Variants in LIMCH1 observed in about 807,000 individuals in gnomAD.
The protein encoded by LIMCH1 is LIM and calponin homology domains 1.
LIMCH1 carries 113 observed loss-of-function variants against 176.5 expected under a neutral mutation model. The ratio of observed to expected loss-of-function variants is 0.64; its 90% CI spans 0.55 to 0.75. The LOEUF (loss-of-function observed/expected upper bound fraction) is 0.75, where lower values mean the gene tolerates loss of function less well. Among genes scored for constraint, LIMCH1 ranks in the 30% least tolerant of loss-of-function variants. The probability of loss-of-function intolerance (pLI) is 0.00; values close to 1 mark genes in which losing one functional copy is unlikely to be tolerated. For synonymous variants in LIMCH1, 619 were observed against 645.9 expected (o/e 0.96, Z 0.63); for missense variants, 1,674 against 1,814.9 (o/e 0.92, Z 1.41).
At chr4:41,491,411 T>TC (rs2070961061) in intron 1 of LIMCH1, among the ~76,000 whole-genome samples, 1 of 131,102 alleles carries the variant, frequency 7.6e-6, no homozygotes, top group African/African-American at 3.0e-5. Context: ...GCTCCCCACC[T>TC]CCCAGATGAA....
Position 41,465,012 on chromosome 4 carries a change from C to T in LIMCH1, c.97-29524C>T, listed in dbSNP as rs117028429. ...CGTGCCTCTCATCTCTTTGTCTTTC[C>T]TGCCTACCTTTTTTGGGTGCACATT... On this transcript the variant is annotated intron_variant, in intron 1 of 26. Transcript: ENST00000313860. 3.3e-4 allele frequency among the ~76,000 whole-genome samples: 50 copies of T among 151,974 alleles called. No individual in the cohort carries two copies. In the East Asian group the frequency reaches 9.3e-3, roughly 28 times the overall value.
intron 1 of LIMCH1, among the ~76,000 whole-genome samples, chr4:41,581,146 C>CTATCTATCCATCT (rs5857802): frequency 1.3e-5 from 2 of 148,362 alleles, no homozygotes; most frequent in African/African-American, 4.9e-5. Context: ...ATCTATCTAT[C>CTATCTATCCATCT]ATCTAATCAA....
chr4:41,662,765 A>G (rs779043319), intron 19 of LIMCH1, 56 bp from the exon 20 acceptor site: 14 of 1,582,820 alleles, frequency 8.8e-6, no homozygotes, highest in South Asian at 3.4e-5. Context: ...AAATGGTCCT[A>G]TAGATATTTG....
rs145541460 is a variant in LIMCH1, at chr4:41,635,662, A to G, written c.2090+1854A>G. On this transcript the variant is annotated intron_variant, in intron 13 of 31. Transcript: ENST00000503057. ...GAATGAGCCAGCAAACACTGTCGGT[A>G]TGCACATTTCCTATCAACAAGTGTT... 4.6e-3 allele frequency among the ~76,000 whole-genome samples: 701 copies of G among 152,354 alleles called. 5 individuals carry two copies. The highest frequency in any genetic ancestry group is 0.019 in the South Asian group (90 of 4,830).
At chr4:41,420,137 C>T (rs1581879376) in intron 1 of LIMCH1, among the ~76,000 whole-genome samples, 2 of 152,180 alleles carry the variant, frequency 1.3e-5, no homozygotes, top group African/African-American at 2.4e-5. Context: ...TGTTGAGAAA[C>T]TATGGGAAAT....
At chr4:41,655,306 G>T (rs1295706929) in intron 18 of LIMCH1, among the ~76,000 whole-genome samples, 1 of 152,170 alleles carries the variant, frequency 6.6e-6, no homozygotes, top group African/African-American at 2.4e-5. Flanking sequence ...ACATCAGATG[G>T]TTATTGTGAG....
At chr4:41,440,911 A>G (rs2062638816) in intron 1 of LIMCH1, among the ~76,000 whole-genome samples, 1 of 152,176 alleles carries the variant, frequency 6.6e-6, no homozygotes, top group African/African-American at 2.4e-5. Context: ...TGTTCTCAAA[A>G]GCTTTTAAAA....
chr4:41,519,669 A>G (rs748735119), intron 2 of LIMCH1, among the ~76,000 whole-genome samples: 7 of 152,236 alleles, frequency 4.6e-5, no homozygotes, highest in Non-Finnish European at 8.8e-5. Context: ...ACTGGCTAAT[A>G]GGAATATTGA....
chr4:41,400,760 A>G (rs1279774094), intron 1 of LIMCH1, among the ~76,000 whole-genome samples: 2 of 152,222 alleles, frequency 1.3e-5, no homozygotes, highest in Non-Finnish European at 2.9e-5. Flanking sequence ...AATTCTGGAT[A>G]TATTTTGATG....
intron 4 of LIMCH1, chr4:41,612,851 CTTTTTT>C (rs61338165): frequency 1.9e-6 from 2 of 1,072,378 alleles, no homozygotes; most frequent in East Asian, 2.8e-5. Context: ...CATTGCCTTT[CTTTTTT>C]TTTTTTTTTT....
chr4:41,599,091 G>A (rs1481213132), intron 2 of LIMCH1, 65 bp downstream of exon 2: 1 of 936,284 alleles, frequency 1.1e-6, no homozygotes, highest in East Asian at 2.4e-5. Context: ...ATTTTGTGAT[G>A]ATGTTGTAAG....
In LIMCH1 at chr4:41,514,947, G is replaced by T. The variant is rs143194964; in HGVS notation, c.168-9462G>T. On this transcript the variant is annotated intron_variant, in intron 2 of 26. Transcript: ENST00000313860. ...CTTATGTAACCCAAACCACATCTGAGATTGTGTCAGCCCCACTGTTGAACC... is the reference window on the plus strand; with the variant it reads ...CTTATGTAACCCAAACCACATCTGATATTGTGTCAGCCCCACTGTTGAACC... Among the ~76,000 whole-genome samples, 22 of 152,324 alleles carry T rather than the reference G, an allele frequency of 1.4e-4. No homozygotes were observed. The East Asian group carries it at 3.1e-3, about 21-fold the overall frequency.
At chr4:41,399,806 C>A (rs1278592568) in intron 1 of LIMCH1, among the ~76,000 whole-genome samples, 1 of 144,162 alleles carries the variant, frequency 6.9e-6, no homozygotes, top group African/African-American at 2.6e-5. Flanking sequence ...TTCAGCCTCC[C>A]GAGTAGCTGG....
chr4:41,449,276 T>C (rs1360676278), intron 1 of LIMCH1, among the ~76,000 whole-genome samples: 1 of 152,168 alleles, frequency 6.6e-6, no homozygotes, highest in African/African-American at 2.4e-5. Context: ...TGACTTTCCC[T>C]CCACGTGGAA....
rs58843314 is a variant in LIMCH1, at chr4:41,388,577, A to C, written c.96+27641A>C. Among the ~76,000 whole-genome samples, 697 of 152,334 alleles carry C rather than the reference A, an allele frequency of 4.6e-3. 7 individuals carry two copies. The highest frequency in any genetic ancestry group is 0.016 in the African/African-American group (661 of 41,574). On this transcript the variant is annotated intron_variant, in intron 1 of 26. Coordinates refer to the LIMCH1 transcript ENST00000313860. ...GATGGTTGCACAATTCTATAAATTC[A>C]CTAAAACTTATGGAATTGGACTTTT...
intron 1 of LIMCH1, among the ~76,000 whole-genome samples, chr4:41,431,086 A>G (rs530624480): frequency 4.1e-4 from 62 of 152,322 alleles, no homozygotes; most frequent in Admixed American, 9.1e-4. Flanking sequence ...TCCTCCTCAG[A>G]TGCATTTCCA....
chr4:41,360,356 CG>C, upstream of LIMCH1, among the ~76,000 whole-genome samples: 1 of 152,198 alleles, frequency 6.6e-6, no homozygotes. This position sits in a 1 kb window ranked among gnomAD's most constrained non-coding sequence, Gnocchi z 4.5. Flanking sequence ...CCCGCTCCCC[CG>C]GGCCCGGGTG....
chr4:41,402,636 C>T (rs1330386182), intron 1 of LIMCH1, among the ~76,000 whole-genome samples: 13 of 140,526 alleles, frequency 9.3e-5, no homozygotes, highest in Admixed American at 2.8e-4. Flanking sequence ...CCATGGAATA[C>T]TATGCAGCCA....
Position 41,680,084 on chromosome 4 carries a change from A to G in LIMCH1, c.3598A>G (p.Arg1200Gly). 1.2e-6 allele frequency: 2 copies of G among 1,603,920 alleles called. No homozygotes were observed. Among genetic ancestry groups the G allele is most frequent in the Non-Finnish European group, 1.7e-6 (2 of 1,174,708 alleles). Residue 1200 changes from arginine to glycine, a missense_variant, in exon 24 of 32, where the codon AGA becomes GGA. By Grantham distance (125) the Arg-to-Gly change is moderately radical (BLOSUM62 -2). Transcript: ENST00000503057. ...AQKEVEEEER[R>G]YYEEERKIIE... Reference sequence around the variant, plus strand: ...AAAGGAGGTGGAAGAGGAAGAACGCAGATACTATGAGGAGGTAGGAAATTC... The same window carrying G: ...AAAGGAGGTGGAAGAGGAAGAACGCGGATACTATGAGGAGGTAGGAAATTC...
Sources: allele counts gnomAD v4.1 joint callset (sites outside exome capture counted in the v4.1 genomes callset), GRCh38; gene constraint gnomAD v4.1.1; non-coding constraint Gnocchi (gnomAD v3.1); transcripts MANE v1.5; gene names NCBI Gene and HGNC (gene_info 2026-07-23, HGNC 2026-07-21).